ATG10: variants seen among roughly 807,000 people sequenced by gnomAD.
The protein encoded by ATG10 is ubiquitin-like-conjugating enzyme ATG10.
A neutral mutation model predicts 32.1 loss-of-function variants in ATG10; 30 were observed. The ratio of observed to expected loss-of-function variants is 0.94; its 90% CI spans 0.70 to 1.27. ATG10 has a LOEUF of 1.27. Ranked by LOEUF, ATG10 falls within the 50% of genes most tolerant of loss-of-function variation. The pLI, the probability that ATG10 is intolerant of heterozygous loss-of-function variation, is 0.00. For synonymous variants in ATG10, 87 were observed against 91.5 expected, an observed-to-expected ratio of 0.95 and a Z score of 0.28; for missense variants, 233 against 262.3, an observed-to-expected ratio of 0.89 and a Z score of 0.77.
chr5:82,237,625 A>G (rs1397013169), intron 5 of ATG10, among the ~76,000 whole-genome samples: 1 of 151,672 alleles, frequency 6.6e-6, no homozygotes, highest in Non-Finnish European at 1.5e-5. Flanking sequence ...CCTGGATGAC[A>G]GAGCGAGATT....
At chr5:82,130,339 T>C (rs1258594133) in intron 3 of ATG10, among the ~76,000 whole-genome samples, 1 of 151,878 alleles carries the variant, frequency 6.6e-6, no homozygotes, top group Non-Finnish European at 1.5e-5. Flanking sequence ...AGCCCCCTTT[T>C]CAGGGGAGCG....
chr5:82,201,991 A>T (rs1432560272), intron 5 of ATG10, among the ~76,000 whole-genome samples: 1 of 152,182 alleles, frequency 6.6e-6, no homozygotes, highest in African/African-American at 2.4e-5. Context: ...AGGTTCTGAG[A>T]CCTTGCTAAA....
chr5:82,211,048 A>G (rs574359426), intron 5 of ATG10, among the ~76,000 whole-genome samples: 119 of 152,306 alleles, frequency 7.8e-4, no homozygotes, highest in African/African-American at 2.7e-3. Flanking sequence ...TAGAAGTTTA[A>G]TTAGAACTTA....
intron 3 of ATG10, among the ~76,000 whole-genome samples, chr5:82,121,163 CATGGGGAATT>C (rs1416773105): frequency 2.0e-5 from 3 of 152,078 alleles, no homozygotes; most frequent in African/African-American, 7.2e-5. Flanking sequence ...GGAATTGTAA[CATGGGGAATT>C]ATGGGAACTC....
At chr5:82,050,864 A>C (rs931261970) in intron 2 of ATG10, among the ~76,000 whole-genome samples, 142 of 150,700 alleles carry the variant, frequency 9.4e-4, no homozygotes, top group African/African-American at 3.2e-3. Flanking sequence ...AAAAAAAAAA[A>C]AAAAATCAGC....
chr5:82,009,668 C>G, intron 2 of ATG10: 1 of 1,587,668 alleles, frequency 6.3e-7, no homozygotes, highest in South Asian at 1.1e-5. Context: ...CAAAGCACTC[C>G]ATGACCTCCA....
At chr5:82,117,945 A>T (rs1765873748) in intron 3 of ATG10, among the ~76,000 whole-genome samples, 1 of 152,134 alleles carries the variant, frequency 6.6e-6, no homozygotes, top group South Asian at 2.1e-4. Flanking sequence ...CTATAGAAAG[A>T]TAACAGAGTC....
chr5:82,092,274 A>G (rs181097658), intron 3 of ATG10, among the ~76,000 whole-genome samples: 1 of 152,340 alleles, frequency 6.6e-6, no homozygotes, highest in Admixed American at 6.5e-5. Flanking sequence ...ATATGCCAAT[A>G]TAAATTAAAC....
At chr5:82,170,345 T>C (rs911451249) in intron 4 of ATG10, among the ~76,000 whole-genome samples, 3 of 152,204 alleles carry the variant, frequency 2.0e-5, no homozygotes, top group Non-Finnish European at 2.9e-5. Context: ...TTTTAAAATA[T>C]GCTGAAACAA....
intron 5 of ATG10, among the ~76,000 whole-genome samples, chr5:82,183,886 T>C (rs1170247052): frequency 6.6e-6 from 1 of 152,208 alleles, no homozygotes; most frequent in Non-Finnish European, 1.5e-5. Flanking sequence ...TATGTGTCCG[T>C]TCATAGTAGT....
intron 3 of ATG10, among the ~76,000 whole-genome samples, chr5:82,065,562 A>G (rs1400797056): frequency 6.6e-6 from 1 of 151,734 alleles, no homozygotes; most frequent in Non-Finnish European, 1.5e-5. Flanking sequence ...GGGATATCTT[A>G]TTTTATGTGA....
At chr5:82,196,192 A>G (rs1472730823) in intron 5 of ATG10, among the ~76,000 whole-genome samples, 1 of 152,080 alleles carries the variant, frequency 6.6e-6, no homozygotes, top group Non-Finnish European at 1.5e-5. Flanking sequence ...TCTTCTTTGG[A>G]GAAATGTATA....
intron 3 of ATG10, among the ~76,000 whole-genome samples, chr5:82,126,872 G>T (rs1440798514): frequency 1.3e-5 from 2 of 152,272 alleles, no homozygotes; most frequent in Non-Finnish European, 2.9e-5. Context: ...GCTCCTCTTT[G>T]TACCTCTGGT....
chr5:82,009,800 C>G (rs368848633), intron 2 of ATG10: 2 of 1,606,454 alleles, frequency 1.2e-6, no homozygotes, highest in South Asian at 2.2e-5. Flanking sequence ...TTGCCATGGA[C>G]AAGATGCCAG....
intron 3 of ATG10, among the ~76,000 whole-genome samples, chr5:82,105,943 C>T (rs1765434031): frequency 1.3e-5 from 2 of 152,110 alleles, no homozygotes; most frequent in African/African-American, 4.8e-5. Context: ...ATTTCAATAA[C>T]AATTTTTAGT....
intron 3 of ATG10, among the ~76,000 whole-genome samples, chr5:82,093,568 A>T (rs1764958976): frequency 1.3e-5 from 2 of 152,164 alleles, no homozygotes; most frequent in Non-Finnish European, 2.9e-5. Context: ...TTTTATTGGA[A>T]CACAACTATG....
intron 5 of ATG10, among the ~76,000 whole-genome samples, chr5:82,224,288 T>C (rs1169573900): frequency 2.0e-5 from 3 of 152,168 alleles, no homozygotes; most frequent in Admixed American, 2.0e-4. Flanking sequence ...AACTTTATTA[T>C]ATAGGTTTAG....
At chr5:82,116,500 G>A (rs747275476) in intron 3 of ATG10, among the ~76,000 whole-genome samples, 1 of 151,916 alleles carries the variant, frequency 6.6e-6, no homozygotes, top group African/African-American at 2.4e-5. Context: ...ATGCACCATC[G>A]CATATTATAC....
At chr5:82,119,173 T>G (rs559110549) in intron 3 of ATG10, among the ~76,000 whole-genome samples, 1 of 152,324 alleles carries the variant, frequency 6.6e-6, no homozygotes, top group South Asian at 2.1e-4. Context: ...TAAGATTGTT[T>G]ATTGCCTGAC....
Sources: gnomAD v4.1 joint callset for allele counts (sites outside exome capture counted in the v4.1 genomes callset) on GRCh38, gnomAD v4.1.1 for gene constraint, MANE v1.5 for transcripts, NCBI Gene and HGNC (gene_info 2026-07-23, HGNC 2026-07-21) for gene names.